Variants in MTX2 observed in about 807,000 individuals in gnomAD.
MTX2 encodes the protein metaxin-2.
Under a neutral mutation model 42.3 loss-of-function variants are expected in MTX2, and 35 were observed. The ratio of observed to expected loss-of-function variants is 0.83; its 90% CI spans 0.63 to 1.10. MTX2 has a LOEUF of 1.10. Among genes scored for constraint, MTX2 ranks in the 50% least tolerant of loss-of-function variants. The probability of loss-of-function intolerance (pLI) is 0.00; values close to 1 mark genes in which losing one functional copy is unlikely to be tolerated. For missense variants in MTX2, 307 were observed against 304.1 expected, an observed-to-expected ratio of 1.01 and a Z score of -0.07; for synonymous variants, 119 against 100.9, an observed-to-expected ratio of 1.18 and a Z score of -1.08.
At chr2:176,305,529 A>C (rs1684121715) in intron 3 of MTX2, among the ~76,000 whole-genome samples, 1 of 152,134 alleles carries the variant, frequency 6.6e-6, no homozygotes, top group African/African-American at 2.4e-5. Context: ...AACAAGATAG[A>C]CATGGTCTGT....
Position 176,337,629 on chromosome 2 carries a change from T to C in MTX2, c.757T>C (p.Tyr253His). Residue 253 changes from tyrosine to histidine, a missense_variant, in exon 10 of 10, where the codon TAT becomes CAT. Physicochemically the swap from Tyr to His is moderately conservative, Grantham distance 83. Transcript: ENST00000249442. ...LAFCRRIEQHYFEDRGKGRLS is the reference protein window; with the variant it reads ...LAFCRRIEQHHFEDRGKGRLS ...TTTCTGTAGGAGAATTGAACAGCAC[T>C]ATTTTGAAGATCGTGGTAAAGGCAG... The C allele has an allele frequency of 6.2e-7, 1 of 1,611,106 alleles. No individual in the cohort carries two copies. The highest frequency in any genetic ancestry group is 8.5e-7 in the Non-Finnish European group (1 of 1,178,598).
chr2:176,337,903 C>A lies in MTX2; in HGVS notation c.*239C>A. 1 of 288,516 alleles carries A rather than the reference C, an allele frequency of 3.5e-6. No homozygotes were observed. Among genetic ancestry groups the A allele is most frequent in the African/African-American group, 2.2e-5 (1 of 46,076 alleles). 17.9% of individuals were successfully genotyped at this position (288,516 alleles called of 1,614,324 possible). ...GAAATTTTTGTTTCCTTGAAACATG[C>A]ATGCATTTAAAAATAAAGCTTAAAC... On this transcript the variant is annotated 3_prime_UTR_variant, in exon 10 of 10. Coordinates refer to ENST00000249442, the MANE Select transcript of MTX2 (RefSeq NM_006554.5).
chr2:176,336,765 A>G (rs1684995293), intron 9 of MTX2, among the ~76,000 whole-genome samples: 1 of 152,046 alleles, frequency 6.6e-6, no homozygotes, highest in Non-Finnish European at 1.5e-5. Context: ...TATAGCAGAA[A>G]CTCCAAGAAA....
intron 1 of MTX2, among the ~76,000 whole-genome samples, chr2:176,290,624 T>G (rs1381394820): frequency 1.3e-5 from 2 of 152,148 alleles, no homozygotes; most frequent in African/African-American, 4.8e-5. Context: ...ATTCTCATGA[T>G]TCATAGATTT....
intron 1 of MTX2, among the ~76,000 whole-genome samples, chr2:176,292,618 A>G (rs886726683): frequency 3.3e-5 from 5 of 152,208 alleles, no homozygotes; most frequent in Admixed American, 2.0e-4. Flanking sequence ...TTACATATGA[A>G]GACAGTTATA....
At chr2:176,302,111 T>G in intron 3 of MTX2, among the ~76,000 whole-genome samples, 1 of 151,890 alleles carries the variant, frequency 6.6e-6, no homozygotes, top group South Asian at 2.1e-4. Context: ...GTGAAGCCAG[T>G]TTTAAAAAGC....
At chr2:176,302,571 G>T (rs1240971859) in intron 3 of MTX2, among the ~76,000 whole-genome samples, 1 of 151,960 alleles carries the variant, frequency 6.6e-6, no homozygotes, top group Non-Finnish European at 1.5e-5. Flanking sequence ...TGAGTAGCTG[G>T]GATTACAGGT....
At chr2:176,324,497 G>T (rs1168795065) in intron 4 of MTX2, among the ~76,000 whole-genome samples, 1 of 151,440 alleles carries the variant, frequency 6.6e-6, no homozygotes, top group African/African-American at 2.4e-5. Context: ...TTTTGTGTTG[G>T]TTTTATACGT....
At chr2:176,274,124 G>A (rs1692889613) in intron 1 of MTX2, among the ~76,000 whole-genome samples, 1 of 151,968 alleles carries the variant, frequency 6.6e-6, no homozygotes, top group African/African-American at 2.4e-5. Flanking sequence ...AATGAGAAAG[G>A]TTTGTTGTCT....
At position 176,337,549 on chromosome 2, in the gene MTX2, A is replaced by C; in HGVS notation, c.677A>C (p.Gln226Pro). 1 of 1,613,384 alleles carries C rather than the reference A, an allele frequency of 6.2e-7. No homozygotes were observed. The change falls in exon 10 of 10, where the codon CAA becomes CCA. Residue 226 changes from glutamine (Q) to proline (P), a missense_variant. Coordinates refer to ENST00000249442, the MANE Select transcript of MTX2 (RefSeq NM_006554.5). The part of the protein sequence containing the change: ...FGHLYTILTT[Q>P]LTNDELSEKV... Reference sequence around the variant, plus strand: ...CATCTATACACCATTCTTACCACACAATTGACAAATGATGAACTTTCTGAG... The same window carrying C: ...CATCTATACACCATTCTTACCACACCATTGACAAATGATGAACTTTCTGAG...
intron 8 of MTX2, 37 bp downstream of exon 8, chr2:176,329,463 T>C (rs769955484): frequency 3.2e-6 from 5 of 1,574,272 alleles, no homozygotes; most frequent in African/African-American, 2.7e-5. Flanking sequence ...CCCTCAACTT[T>C]TATGCATTAA....
At chr2:176,306,690 T>C (rs906271136) in intron 3 of MTX2, among the ~76,000 whole-genome samples, 2 of 152,238 alleles carry the variant, frequency 1.3e-5, no homozygotes, top group Non-Finnish European at 2.9e-5. Context: ...CACGTGTCTA[T>C]TGGCTGCGTA....
At chr2:176,271,801 A>G (rs1224812273) in intron 1 of MTX2, among the ~76,000 whole-genome samples, 1 of 152,222 alleles carries the variant, frequency 6.6e-6, no homozygotes, top group Admixed American at 6.5e-5. Context: ...AGAAATACAC[A>G]ATGATATTAA....
Position 176,294,030 on chromosome 2 carries a change from A to G in MTX2, c.41-2830A>G, listed in dbSNP as rs1234535515. Among the ~76,000 whole-genome samples, 5 of 152,148 alleles carry G rather than the reference A, an allele frequency of 3.3e-5. No individual in the cohort carries two copies. In the East Asian group the frequency reaches 9.6e-4, roughly 29 times the overall value. On this transcript the variant is annotated intron_variant, in intron 1 of 9. Coordinates refer to ENST00000249442, the MANE Select transcript of MTX2 (RefSeq NM_006554.5). Reference sequence around the variant, plus strand: ...AAACACTGGATGTTTTGGTAGAGTTACTTTCTGAGAATTTATTTTCAATAA... The same window carrying G: ...AAACACTGGATGTTTTGGTAGAGTTGCTTTCTGAGAATTTATTTTCAATAA...
intron 1 of MTX2, among the ~76,000 whole-genome samples, chr2:176,288,481 T>C (rs1019877222): frequency 2.0e-5 from 3 of 151,956 alleles, no homozygotes; most frequent in Non-Finnish European, 4.4e-5. Flanking sequence ...TATTTGCATT[T>C]ACAACTTTGG....
chr2:176,325,152 C>T (rs1035579230), intron 4 of MTX2, among the ~76,000 whole-genome samples: 2 of 151,708 alleles, frequency 1.3e-5, no homozygotes, highest in African/African-American at 4.8e-5. Context: ...CATCCAAGGT[C>T]CTATTTCTTG....
At chr2:176,326,620 C>T (rs1036160055) in intron 4 of MTX2, among the ~76,000 whole-genome samples, 25 of 151,376 alleles carry the variant, frequency 1.7e-4, no homozygotes, top group Non-Finnish European at 3.1e-4. Context: ...ATGAATTTAC[C>T]TGTTCTTTTT....
intron 3 of MTX2, among the ~76,000 whole-genome samples, chr2:176,322,121 T>C (rs928366692): frequency 3.3e-5 from 5 of 152,020 alleles, no homozygotes; most frequent in African/African-American, 1.2e-4. Flanking sequence ...CAGACTCACG[T>C]GGGATTTATT....
At chr2:176,297,476 G>A (rs1310111748) in intron 2 of MTX2, among the ~76,000 whole-genome samples, 2 of 152,092 alleles carry the variant, frequency 1.3e-5, no homozygotes, top group Non-Finnish European at 2.9e-5. Flanking sequence ...GACACACTGT[G>A]CAATATTAAC....
Sources: gnomAD v4.1 joint callset for allele counts (sites outside exome capture counted in the v4.1 genomes callset) on GRCh38, gnomAD v4.1.1 for gene constraint, MANE v1.5 for transcripts, NCBI Gene and HGNC (gene_info 2026-07-23, HGNC 2026-07-21) for gene names.